The following PTPRN2 variants were observed in gnomAD, a reference collection of about 807,000 sequenced individuals.
PTPRN2 encodes the protein protein tyrosine phosphatase receptor type N2.
Under a neutral mutation model 118.8 loss-of-function variants are expected in PTPRN2, and 74 were observed. The ratio of observed to expected loss-of-function variants is 0.62; its 90% CI spans 0.52 to 0.76. The LOEUF is 0.76. Ranked by LOEUF, PTPRN2 falls within the 30% of genes least tolerant of loss-of-function variation. The pLI, the probability that PTPRN2 is intolerant of heterozygous loss-of-function variation, is 0.00. For synonymous variants in PTPRN2, 641 were observed against 608.0 expected (o/e 1.05, Z -0.80); for missense variants, 1,481 against 1,394.4 (o/e 1.06, Z -0.99).
chr7:158,158,779 C>T (rs1335468109), intron 6 of PTPRN2, among the ~76,000 whole-genome samples: 3 of 72,670 alleles, frequency 4.1e-5, no homozygotes, highest in Non-Finnish European at 4.8e-5. Flanking sequence ...TGTGATTGGC[C>T]GGGACTTCGC....
At chr7:158,250,609 G>T (rs1054204306) in intron 3 of PTPRN2, among the ~76,000 whole-genome samples, 2 of 152,042 alleles carry the variant, frequency 1.3e-5, no homozygotes, top group African/African-American at 4.8e-5. Context: ...AGAAGTGATA[G>T]AAAACAACGA....
chr7:158,310,740 GCAAGCCC>G (rs1563116676), intron 3 of PTPRN2, among the ~76,000 whole-genome samples: 4 of 147,148 alleles, frequency 2.7e-5, no homozygotes, highest in African/African-American at 7.5e-5. Flanking sequence ...CCCACGGAGG[GCAAGCCC>G]TGAGCCGGAC....
intron 12 of PTPRN2, among the ~76,000 whole-genome samples, chr7:157,781,382 AG>A (rs1179986268): frequency 6.7e-6 from 1 of 149,344 alleles, no homozygotes; most frequent in East Asian, 1.9e-4. Flanking sequence ...AGTCTCTTTG[AG>A]GACAGTGCTT....
chr7:157,825,905 G>A (rs560535260), intron 12 of PTPRN2, among the ~76,000 whole-genome samples: 2 of 152,344 alleles, frequency 1.3e-5, no homozygotes, highest in South Asian at 4.1e-4. Context: ...GGATGTCTGT[G>A]GCTTAGGGGT....
intron 11 of PTPRN2, among the ~76,000 whole-genome samples, chr7:157,961,457 C>T (rs1485436847): frequency 6.6e-6 from 1 of 151,652 alleles, no homozygotes; most frequent in Non-Finnish European, 1.5e-5. Flanking sequence ...TGCTTGAACC[C>T]GGGAGGTGGA....
chr7:157,603,181 C>T lies in PTPRN2; in HGVS notation c.2418+821G>A, dbSNP rs1327465917. Among the ~76,000 whole-genome samples, 1 of 150,090 alleles carries T rather than the reference C, an allele frequency of 6.7e-6. No individual in the cohort carries two copies. The highest frequency in any genetic ancestry group is 1.5e-5 in the Non-Finnish European group (1 of 67,512). ...CTGCCACCATCACTGCTCATCTGAA[C>T]ACCCAGTCCGAGTGTCCCCAGCCTG... On this transcript the variant is annotated intron_variant, in intron 16 of 22. Coordinates refer to ENST00000389418, the MANE Select transcript of PTPRN2 (RefSeq NM_002847.5). The surrounding 1 kb of genome is among the most constrained non-coding windows in gnomAD (Gnocchi z 5.4).
rs368578089 is a variant in PTPRN2, at chr7:157,568,982, G to T, written c.2838-16C>A. ...TGCACCGTCACTGCCAACAGAAGGA[G>T]AGAAATGAAAGTGCTGCCGTCCACA... On this transcript the variant is annotated splice_polypyrimidine_tract_variant and intron_variant, in intron 20 of 22. Coordinates refer to ENST00000389418, the MANE Select transcript of PTPRN2 (RefSeq NM_002847.5). 25 of 1,549,540 alleles carry T rather than the reference G, an allele frequency of 1.6e-5. No individual in the cohort carries two copies. In the Admixed American group the frequency reaches 4.2e-4, roughly 26 times the overall value.
rs1051199976 is a variant in PTPRN2 at position 157,813,926 on chromosome 7, C to T, written c.1788+84747G>A. Among the ~76,000 whole-genome samples, 2 of 152,264 alleles carry T rather than the reference C, an allele frequency of 1.3e-5. No homozygotes were observed. The highest frequency in any genetic ancestry group is 4.8e-5 in the African/African-American group (2 of 41,470). On this transcript the variant is annotated intron_variant, in intron 12 of 22. Coordinates refer to ENST00000389418, the MANE Select transcript of PTPRN2 (RefSeq NM_002847.5). The surrounding 1 kb of genome is among the most constrained non-coding windows in gnomAD (Gnocchi z 4.7). ...GATGCTGCTGGTGACCCCGGGGACC[C>T]CGCCGTGAGAGCCCCGACACAAGTC...
intron 5 of PTPRN2, among the ~76,000 whole-genome samples, chr7:158,168,747 TTAGTAA>T (rs1213195876): frequency 6.6e-6 from 1 of 151,866 alleles, no homozygotes; most frequent in African/African-American, 2.4e-5. Context: ...CCTCACTCAT[TTAGTAA>T]AATTCCGTTA....
At position 158,070,954 on chromosome 7, in the gene PTPRN2, TGGTGGAGGTGCTCAC is replaced by T. The variant is rs1340599756; in HGVS notation, c.1723+10329_1723+10343del. On this transcript the variant is annotated intron_variant, in intron 11 of 22. Transcript: ENST00000389418. ...CTCCTGGTGGTGGAGGTGCCCGTGG[TGGTGGAGGTGCTCAC>T]GGTGGAGGTGCCCGTGGTGGTGGAG... Among the ~76,000 whole-genome samples, 527 of 112,206 alleles carry T rather than the reference TGGTGGAGGTGCTCAC, an allele frequency of 4.7e-3. 3 individuals carry two copies. The highest frequency in any genetic ancestry group is 6.3e-3 in the Middle Eastern group (1 of 158). 73.6% of individuals were successfully genotyped at this position (112,206 alleles called of 152,430 possible).
intron 1 of PTPRN2, among the ~76,000 whole-genome samples, chr7:158,584,473 C>T (rs959549663): frequency 1.3e-5 from 2 of 152,190 alleles, no homozygotes; most frequent in African/African-American, 2.4e-5. Context: ...AACAGCCCTG[C>T]ATAACACAGC....
chr7:157,770,211 G>A (rs79626657), intron 12 of PTPRN2, among the ~76,000 whole-genome samples: 1,813 of 152,314 alleles, frequency 0.012, 75 homozygotes, highest in Admixed American at 0.075. Context: ...GGAACATATT[G>A]GAACCATGCT....
At chr7:158,479,403 A>G (rs1051621443) in intron 2 of PTPRN2, among the ~76,000 whole-genome samples, 1 of 152,100 alleles carries the variant, frequency 6.6e-6, no homozygotes, top group African/African-American at 2.4e-5. Context: ...TGAAGTCTGG[A>G]GGAAGCAGAG....
At chr7:158,120,323 G>A (rs1363158890) in intron 9 of PTPRN2, among the ~76,000 whole-genome samples, 1 of 152,146 alleles carries the variant, frequency 6.6e-6, no homozygotes, top group Non-Finnish European at 1.5e-5. Flanking sequence ...TTAAACATGG[G>A]TAAGACAGTA....
intron 2 of PTPRN2, among the ~76,000 whole-genome samples, chr7:158,407,283 GGGT>G (rs1343952264): frequency 2.4e-4 from 25 of 103,932 alleles, no homozygotes; most frequent in African/African-American, 8.7e-4. Flanking sequence ...CCTGGGTCCT[GGGT>G]CCTGGGTCCT....
intron 10 of PTPRN2, among the ~76,000 whole-genome samples, chr7:158,109,230 C>A (rs1464171207): frequency 1.4e-5 from 2 of 148,110 alleles, no homozygotes; most frequent in East Asian, 2.1e-4. Context: ...AATGATGTCA[C>A]CCCTGTGTGA....
At chr7:158,337,475 T>C (rs1262558610) in intron 2 of PTPRN2, among the ~76,000 whole-genome samples, 2 of 148,728 alleles carry the variant, frequency 1.3e-5, no homozygotes, top group African/African-American at 5.0e-5. Context: ...ACTCTCACCA[T>C]AAGAGGTGAC....
At chr7:158,202,102 A>T (rs897400732) in intron 4 of PTPRN2, among the ~76,000 whole-genome samples, 2 of 152,236 alleles carry the variant, frequency 1.3e-5, no homozygotes, top group African/African-American at 4.8e-5. Context: ...CCCAAATCAC[A>T]CAACAGTGTA....
At chr7:158,170,145 AGAGC>A (rs1218617496) in intron 5 of PTPRN2, among the ~76,000 whole-genome samples, 1 of 152,232 alleles carries the variant, frequency 6.6e-6, no homozygotes, top group East Asian at 1.9e-4. Context: ...AGAAAGAGCG[AGAGC>A]GAGCGAGCGA....
Sources: gnomAD v4.1 joint callset for allele counts (sites outside exome capture counted in the v4.1 genomes callset) on GRCh38, gnomAD v4.1.1 for gene constraint, Gnocchi (gnomAD v3.1) non-coding constraint, MANE v1.5 for transcripts, NCBI Gene and HGNC (gene_info 2026-07-23, HGNC 2026-07-21) for gene names.